Variants in POLR3B observed in about 807,000 individuals in gnomAD.
POLR3B encodes the protein DNA-directed RNA polymerase III subunit RPC2.
A neutral mutation model predicts 147.4 loss-of-function variants in POLR3B; 96 were observed. The observed-to-expected ratio is 0.65, with a 90% CI of 0.55 to 0.77. The LOEUF (loss-of-function observed/expected upper bound fraction) is 0.77. Ranked by LOEUF, POLR3B falls within the 30% of genes least tolerant of loss-of-function variation. The pLI, the probability that POLR3B is intolerant of heterozygous loss-of-function variation, is 0.00. For missense variants in POLR3B, 1,036 were observed against 1,413.5 expected (o/e 0.73, Z 4.28); for synonymous variants, 461 against 485.9 (o/e 0.95, Z 0.67).
intron 9 of POLR3B, among the ~76,000 whole-genome samples, chr12:106,388,528 G>C (rs1461002528): frequency 6.6e-6 from 1 of 152,148 alleles, no homozygotes; most frequent in Non-Finnish European, 1.5e-5. Flanking sequence ...ATGTTGGCCA[G>C]GATGGTCTTG....
chr12:106,469,930 G>A (rs1157043103), intron 23 of POLR3B, among the ~76,000 whole-genome samples: 7 of 151,902 alleles, frequency 4.6e-5, no homozygotes, highest in South Asian at 2.1e-4. Context: ...TACATGTCTC[G>A]AGGTTGCTCT....
intron 6 of POLR3B, among the ~76,000 whole-genome samples, chr12:106,374,056 T>C (rs1389796215): frequency 6.6e-6 from 1 of 152,148 alleles, no homozygotes; most frequent in Admixed American, 6.5e-5. Flanking sequence ...ATTGTTTATG[T>C]TTACCTTAGA....
intron 13 of POLR3B, among the ~76,000 whole-genome samples, chr12:106,428,055 C>T (rs1355835353): frequency 1.3e-5 from 2 of 152,158 alleles, no homozygotes; most frequent in African/African-American, 4.8e-5. Context: ...TGCTTCAATA[C>T]TTGACTTTAG....
At chr12:106,436,169 A>T (rs182668153) in intron 16 of POLR3B, among the ~76,000 whole-genome samples, 38 of 152,300 alleles carry the variant, frequency 2.5e-4, no homozygotes, top group African/African-American at 8.9e-4. Flanking sequence ...TTAACTGTTG[A>T]AAAGTGCTCA....
chr12:106,497,426 G>A (rs1190900570), intron 25 of POLR3B, among the ~76,000 whole-genome samples: 1 of 152,066 alleles, frequency 6.6e-6, no homozygotes, highest in East Asian at 1.9e-4. Flanking sequence ...TCGCCCAGGA[G>A]TTTGAGGCTA....
chr12:106,417,100 C>T (rs1277088820), intron 12 of POLR3B, among the ~76,000 whole-genome samples: 1 of 152,204 alleles, frequency 6.6e-6, no homozygotes, highest in Non-Finnish European at 1.5e-5. Flanking sequence ...TACTTCCATG[C>T]TTCTTCCCCC....
intron 25 of POLR3B, among the ~76,000 whole-genome samples, chr12:106,498,582 G>T (rs1049541146): frequency 2.2e-4 from 33 of 147,822 alleles, no homozygotes; most frequent in African/African-American, 6.5e-4. Context: ...TTTGGGGTTT[G>T]TTTTTTTTGT....
At chr12:106,421,957 C>G (rs2037379419) in intron 12 of POLR3B, among the ~76,000 whole-genome samples, 1 of 152,194 alleles carries the variant, frequency 6.6e-6, no homozygotes, top group Non-Finnish European at 1.5e-5. Context: ...GTCTCAGCCT[C>G]CCAAAGTGCT....
At chr12:106,395,407 A>G (rs1246756703) in intron 10 of POLR3B, among the ~76,000 whole-genome samples, 1 of 152,010 alleles carries the variant, frequency 6.6e-6, no homozygotes, top group African/African-American at 2.4e-5. Flanking sequence ...AGAGCAAGAG[A>G]GCGTGAGGGA....
At chr12:106,361,975 T>C (rs1210200103) in intron 1 of POLR3B, among the ~76,000 whole-genome samples, 1 of 151,780 alleles carries the variant, frequency 6.6e-6, no homozygotes, top group Admixed American at 6.5e-5. Flanking sequence ...GGCAGGTAGG[T>C]CAGAGTCCTG....
In POLR3B at chr12:106,459,282, A is replaced by T. The variant is rs1482090831; in HGVS notation, c.2484A>T (p.Val828=). ...AAGTAGAAAACAAACAAGTGCTTGT[A>T]AATAAGTCCATGCCCACAGTGACTC... ...GEKVENKQVL[V]NKSMPTVTQI... The change falls in exon 22 of 28, where the codon GTA becomes GTT. Residue 828 remains valine (V), a synonymous_variant. Coordinates refer to ENST00000228347, the MANE Select transcript of POLR3B (RefSeq NM_018082.6). 1 of 1,607,910 alleles carries T rather than the reference A, an allele frequency of 6.2e-7. No homozygotes were observed. Among genetic ancestry groups the T allele is most frequent in the South Asian group, 1.1e-5 (1 of 90,980 alleles).
intron 10 of POLR3B, among the ~76,000 whole-genome samples, chr12:106,396,318 A>C (rs1023286121): frequency 6.6e-6 from 1 of 152,184 alleles, no homozygotes; most frequent in Non-Finnish European, 1.5e-5. Context: ...TGCTTTCTTC[A>C]GTTACTTAGT....
At chr12:106,358,794 AAGAC>A (rs1392714018) in intron 1 of POLR3B, among the ~76,000 whole-genome samples, 2 of 152,198 alleles carry the variant, frequency 1.3e-5, no homozygotes, top group African/African-American at 4.8e-5. Flanking sequence ...GAAGAGATAA[AAGAC>A]AGGGTTAAGT....
chr12:106,468,340 C>T (rs1216856758), intron 23 of POLR3B, among the ~76,000 whole-genome samples: 1 of 152,084 alleles, frequency 6.6e-6, no homozygotes, highest in Non-Finnish European at 1.5e-5. Context: ...ATTCTTCTCT[C>T]TTTTCTTCGT....
intron 20 of POLR3B, 106 bp from the exon 21 acceptor site, chr12:106,457,032 T>G: frequency 2.2e-6 from 2 of 920,770 alleles, no homozygotes; most frequent in Non-Finnish European, 1.8e-6. Flanking sequence ...AGTTTTGGGA[T>G]TTGGGGGAGG....
Position 106,357,813 on chromosome 12 carries a change from C to T in POLR3B, c.-67C>T. ...CGCGCACCGTTCGCCGGGAGTCTTG[C>T]AGTTTGCTTGGTGCAGGGAAGGCGG... On this transcript the variant is annotated 5_prime_UTR_variant, in exon 1 of 28. Transcript: ENST00000228347. 6.8e-7 allele frequency: 1 copy of T among 1,479,838 alleles called. No homozygotes were observed. Among genetic ancestry groups the T allele is most frequent in the Non-Finnish European group, 9.3e-7 (1 of 1,071,502 alleles). The allele number at this position is 1,479,838 out of a possible 1,614,324, so 91.7% of individuals were successfully genotyped here.
intron 12 of POLR3B, among the ~76,000 whole-genome samples, chr12:106,419,155 C>T (rs2037342761): frequency 6.6e-6 from 1 of 152,194 alleles, no homozygotes; most frequent in African/African-American, 2.4e-5. Context: ...TCCCCTCTCA[C>T]CCCTCTGCAC....
chr12:106,390,158 C>T lies in POLR3B; in HGVS notation c.724-2873C>T, dbSNP rs138729577. Among the ~76,000 whole-genome samples the T allele has an allele frequency of 1.7e-3, 248 of 150,104 alleles. 1 individual carries two copies. Among genetic ancestry groups the T allele is most frequent in the African/African-American group, 5.9e-3 (239 of 40,640 alleles). Reference sequence around the variant, plus strand: ...ACTTGAATCCGGGAGGCAGAGGTTGCACTGAGTTGAGATTGCACCACTGTA... The same window carrying T: ...ACTTGAATCCGGGAGGCAGAGGTTGTACTGAGTTGAGATTGCACCACTGTA... On this transcript the variant is annotated intron_variant, in intron 9 of 27. Transcript: ENST00000228347.
intron 6 of POLR3B, 83 bp from the exon 7 acceptor site, chr12:106,376,276 G>A: frequency 1.2e-6 from 1 of 857,224 alleles, no homozygotes; most frequent in Non-Finnish European, 2.0e-6. Context: ...GTGAGGTGGT[G>A]TGCACTGCAT....
Sources: allele counts gnomAD v4.1 joint callset (sites outside exome capture counted in the v4.1 genomes callset), GRCh38; gene constraint gnomAD v4.1.1; transcripts MANE v1.5; gene names NCBI Gene and HGNC (gene_info 2026-07-23, HGNC 2026-07-21).